RHEX: variants seen among roughly 807,000 people sequenced by gnomAD.
RHEX encodes the protein regulator of hemoglobinization and erythroid cell expansion protein.
RHEX carries 18 observed loss-of-function variants against 20.1 expected under a neutral mutation model. The observed-to-expected ratio is 0.90, with a 90% CI of 0.62 to 1.33. The LOEUF (loss-of-function observed/expected upper bound fraction) is 1.33. Among genes scored for constraint, RHEX ranks in the 40% most tolerant of loss-of-function variants. RHEX has a pLI of 0.00. For synonymous variants in RHEX, 87 were observed against 77.1 expected, an observed-to-expected ratio of 1.13 and a Z score of -0.67; for missense variants, 192 against 214.3, an observed-to-expected ratio of 0.90 and a Z score of 0.65.
intron 5 of RHEX, 64 bp from the exon 6 acceptor site, chr1:206,101,680 TCAGTCCTG>T: frequency 8.5e-7 from 1 of 1,181,382 alleles, no homozygotes. Context: ...GAGTAAGAGT[TCAGTCCTG>T]GGGTCTTATT....
intron 1 of RHEX, among the ~76,000 whole-genome samples, chr1:206,088,539 C>A (rs896976607): frequency 1.3e-5 from 2 of 152,092 alleles, no homozygotes; most frequent in African/African-American, 4.8e-5. Context: ...AAAAATTAGC[C>A]AGGCACGGTG....
At chr1:206,066,464 G>A (rs913620081) in intron 1 of RHEX, among the ~76,000 whole-genome samples, 1 of 152,080 alleles carries the variant, frequency 6.6e-6, no homozygotes, top group Non-Finnish European at 1.5e-5. Flanking sequence ...TAAAAATACA[G>A]AAATAAGCTG....
At chr1:206,098,291 C>T (rs907566375) in intron 3 of RHEX, 110 bp downstream of exon 3, 1 of 763,438 alleles carries the variant, frequency 1.3e-6, no homozygotes, top group Non-Finnish European at 2.2e-6. Flanking sequence ...AAAAACCTAC[C>T]AGAGGACCCA....
intron 1 of RHEX, among the ~76,000 whole-genome samples, chr1:206,081,870 G>T (rs1662744621): frequency 6.6e-6 from 1 of 152,136 alleles, no homozygotes; most frequent in Non-Finnish European, 1.5e-5. Context: ...AATAGAAATA[G>T]CAGGCCAAGC....
At chr1:206,098,351 G>A in intron 3 of RHEX, 170 bp downstream of exon 3, 1 of 598,722 alleles carries the variant, frequency 1.7e-6, no homozygotes, top group Admixed American at 2.7e-5. Context: ...AACTGTATCT[G>A]GGTAATCCCC....
intron 1 of RHEX, among the ~76,000 whole-genome samples, chr1:206,089,081 A>G (rs1218300429): frequency 6.6e-6 from 1 of 152,238 alleles, no homozygotes; most frequent in African/African-American, 2.4e-5. Context: ...GATTAGAGAC[A>G]AGTTCTATTT....
chr1:206,090,019 A>G (rs1662914917), intron 1 of RHEX, among the ~76,000 whole-genome samples: 2 of 151,920 alleles, frequency 1.3e-5, no homozygotes, highest in South Asian at 4.2e-4. Context: ...TTTCCCTTAC[A>G]GGTAGCTAAC....
intron 1 of RHEX, among the ~76,000 whole-genome samples, chr1:206,068,333 T>C (rs1662467432): frequency 1.3e-5 from 2 of 151,698 alleles, no homozygotes; most frequent in South Asian, 4.2e-4. Context: ...GCAAGGGAGA[T>C]AAGAGGAAAG....
At chr1:206,083,031 A>G (rs538157564) in intron 1 of RHEX, among the ~76,000 whole-genome samples, 1 of 152,314 alleles carries the variant, frequency 6.6e-6, no homozygotes, top group African/African-American at 2.4e-5. Flanking sequence ...GCTTAATGAC[A>G]AAGAAGTTGT....
Position 206,065,035 on chromosome 1 carries a change from G to A in RHEX, c.-97+11770G>A, listed in dbSNP as rs550166122. Among the ~76,000 whole-genome samples, 87 of 152,156 alleles carry A rather than the reference G, an allele frequency of 5.7e-4. No individual in the cohort carries two copies. The East Asian group carries it at 0.014, about 24-fold the overall frequency. ...GTCCACTCAGAGTTAAATGGATTAA[G>A]GGCAGTGCAAGATGTGCTTTGTTAA... On this transcript the variant is annotated intron_variant, in intron 1 of 5. Coordinates refer to ENST00000331555, the MANE Select transcript of RHEX (RefSeq NM_001007544.4).
At chr1:206,073,531 C>A (rs957840998) in intron 1 of RHEX, among the ~76,000 whole-genome samples, 7 of 152,078 alleles carry the variant, frequency 4.6e-5, no homozygotes, top group Non-Finnish European at 7.4e-5. Flanking sequence ...GTAACTTCTC[C>A]AAGATCACAC....
At chr1:206,074,260 A>G (rs1483920903) in intron 1 of RHEX, among the ~76,000 whole-genome samples, 1 of 152,214 alleles carries the variant, frequency 6.6e-6, no homozygotes, top group Non-Finnish European at 1.5e-5. Flanking sequence ...TTTTTTATCT[A>G]AAGTCTATGT....
intron 1 of RHEX, among the ~76,000 whole-genome samples, chr1:206,066,967 T>C (rs1337926939): frequency 6.6e-6 from 1 of 152,216 alleles, no homozygotes; most frequent in Non-Finnish European, 1.5e-5. Flanking sequence ...TGGTCAGTTA[T>C]CAGGACAGGA....
intron 4 of RHEX, among the ~76,000 whole-genome samples, chr1:206,100,312 C>T (rs1400340576): frequency 2.0e-5 from 3 of 152,190 alleles, no homozygotes; most frequent in Admixed American, 6.5e-5. Context: ...ATATCACCCT[C>T]CTGCAAGTGA....
chr1:206,098,168 C>T lies in RHEX; in HGVS notation c.99C>T (p.Leu33=), dbSNP rs782114606. The T allele has an allele frequency of 1.2e-6, 2 of 1,611,502 alleles. No individual in the cohort carries two copies. Among genetic ancestry groups the T allele is most frequent in the Admixed American group, 1.7e-5 (1 of 59,996 alleles). ...TCCTCACCGCCATCAACTACCTGCTCAGCAGGCACATGGGTAACTGGCTCA... is the reference window on the plus strand; with the variant it reads ...TCCTCACCGCCATCAACTACCTGCTTAGCAGGCACATGGGTAACTGGCTCA... ...ACFLTAINYL[L]SRHMAHKSEQ... is the part of the protein sequence containing the mutation. The change falls in exon 3 of 6, where the codon CTC becomes CTT. Residue 33 remains leucine, a synonymous_variant. Coordinates refer to ENST00000331555, the MANE Select transcript of RHEX (RefSeq NM_001007544.4).
At chr1:206,081,142 T>A (rs868973757) in intron 1 of RHEX, among the ~76,000 whole-genome samples, 13 of 152,208 alleles carry the variant, frequency 8.5e-5, no homozygotes, top group Middle Eastern at 3.4e-3. Flanking sequence ...TTGGAGCAAA[T>A]CATCTTCTCA....
intron 1 of RHEX, among the ~76,000 whole-genome samples, chr1:206,064,639 T>C (rs1181325187): frequency 2.3e-5 from 3 of 127,910 alleles, no homozygotes; most frequent in Non-Finnish European, 3.3e-5. Flanking sequence ...GGCCGCCCCG[T>C]CCCGGGGGGA....
intron 1 of RHEX, among the ~76,000 whole-genome samples, chr1:206,082,702 G>A (rs942768936): frequency 6.6e-6 from 1 of 152,108 alleles, no homozygotes; most frequent in Non-Finnish European, 1.5e-5. Flanking sequence ...GAGAGGTTAA[G>A]TAACTTTTCC....
intron 2 of RHEX, 98 bp from the exon 3 acceptor site, chr1:206,097,983 A>C: frequency 1.7e-6 from 2 of 1,188,712 alleles, no homozygotes; most frequent in Non-Finnish European, 2.5e-6. Context: ...GACACGCAGC[A>C]ATGCCAGATG....
Sources: allele counts gnomAD v4.1 joint callset (sites outside exome capture counted in the v4.1 genomes callset), GRCh38; gene constraint gnomAD v4.1.1; transcripts MANE v1.5; gene names NCBI Gene and HGNC (gene_info 2026-07-23, HGNC 2026-07-21).